FREM1: variants seen among roughly 807,000 people sequenced by gnomAD.
FREM1 encodes the protein FRAS1-related extracellular matrix protein 1.
In FREM1, 220 loss-of-function variants were observed where a neutral mutation model predicts 210.1. That is an observed-to-expected ratio of 1.05 (90% CI 0.94 to 1.17). The LOEUF is 1.17. FREM1 is among the 50% of genes most tolerant of loss of function. FREM1 has a pLI of 0.00. For missense variants in FREM1, 3,454 were observed against 2,675.5 expected (o/e 1.29, Z -6.42); for synonymous variants, 1,189 against 980.2 (o/e 1.21, Z -3.98).
Position 14,905,872 on chromosome 9 carries a change from T to C in FREM1, c.-268+4042A>G, listed in dbSNP as rs147108407. On this transcript the variant is annotated intron_variant, in intron 1 of 36. Transcript: ENST00000380880. ...CGCCACTGCACTGCAGCATGGGCAA[T>C]AGAGCAAGACTCTGTCTCAAATTTA... 2.7e-3 allele frequency among the ~76,000 whole-genome samples: 405 copies of C among 150,568 alleles called. 1 individual carries two copies. The highest frequency in any genetic ancestry group is 4.8e-3 in the Non-Finnish European group (324 of 67,754).
intron 3 of FREM1, among the ~76,000 whole-genome samples, chr9:14,860,318 G>A (rs1012526289): frequency 1.3e-5 from 2 of 151,790 alleles, no homozygotes; most frequent in Non-Finnish European, 2.9e-5. Context: ...CATGCTCCCT[G>A]TTTTCTGCTG....
Position 14,801,757 on chromosome 9 carries a change from T to C in FREM1, c.3589A>G (p.Ile1197Val). Residue 1197 changes from isoleucine to valine, a missense_variant, in exon 20 of 37, where the codon ATC (isoleucine) becomes GTC (valine). Ile to Val is a conservative substitution (Grantham distance 29). Transcript: ENST00000380880. ...AAGTCTTTGCTAAACCCCCTATCGA[T>C]GAGGAGGCCATGGCGTGGCTTTTGA... ...ITQKPRHGLL[I>V]DRGFSKDFSE... The C allele has an allele frequency of 6.2e-7, 1 of 1,613,892 alleles. No individual in the cohort carries two copies. The highest frequency in any genetic ancestry group is 8.5e-7 in the Non-Finnish European group (1 of 1,179,840).
In FREM1 at chr9:14,737,504, G is replaced by T. The variant is rs370395568; in HGVS notation, c.6432C>A (p.Arg2144=). The T allele has an allele frequency of 1.2e-6, 2 of 1,613,454 alleles. No individual in the cohort carries two copies. The highest frequency in any genetic ancestry group is 1.7e-6 in the Non-Finnish European group (2 of 1,179,656). ...FTNGRRGPSQ[R]SKLGKSCVLV... ...AAACACAGCTCTTTCCAAGCTTGGA[G>T]CGTTGAGAGGGCCCTCTTCTCCCAT... Residue 2144 remains arginine (R), a synonymous_variant, in exon 37 of 37, where the codon CGC becomes CGA. Transcript: ENST00000380880.
chr9:14,861,503 CTTTTTTTTTTT>C (rs775845478), intron 3 of FREM1, among the ~76,000 whole-genome samples: 5 of 114,894 alleles, frequency 4.4e-5, no homozygotes, highest in Admixed American at 4.1e-4. Flanking sequence ...AGCATTTATC[CTTTTTTTTTTT>C]TTTTTTTTTT....
At position 14,788,988 on chromosome 9, in the gene FREM1, A is replaced by G. The variant is rs1207593518; in HGVS notation, c.4108T>C (p.Tyr1370His). ...DSQNQDSFTF[Y>H]LWDGNNRSPA... ...GACCTGTTGTTGCCATCCCAAAGGT[A>G]GAAGGTGAAGCTATCTTGATTCTGG... The change falls in exon 23 of 37, where the codon TAC becomes CAC. Residue 1370 changes from tyrosine (Y) to histidine (H), a missense_variant. Transcript: ENST00000380880. The G allele has an allele frequency of 6.2e-7, 1 of 1,613,046 alleles. No homozygotes were observed. The highest frequency in any genetic ancestry group is 2.2e-5 in the East Asian group (1 of 44,870).
intron 5 of FREM1, among the ~76,000 whole-genome samples, chr9:14,854,116 C>T (rs1203826872): frequency 2.0e-5 from 3 of 152,068 alleles, no homozygotes; most frequent in African/African-American, 4.8e-5. Context: ...CATTTTTTCA[C>T]CGTACATATT....
At chr9:14,761,712 T>C (rs1845529904) in intron 27 of FREM1, among the ~76,000 whole-genome samples, 1 of 152,180 alleles carries the variant, frequency 6.6e-6, no homozygotes, top group African/African-American at 2.4e-5. Context: ...CCCCTGCTGT[T>C]CCACTTGGGG....
chr9:14,888,608 G>A (rs966821020), intron 1 of FREM1, among the ~76,000 whole-genome samples: 3 of 152,146 alleles, frequency 2.0e-5, no homozygotes, highest in Non-Finnish European at 4.4e-5. Context: ...CCAGGTTAAA[G>A]GTCTCAAGTC....
intron 1 of FREM1, among the ~76,000 whole-genome samples, chr9:14,871,079 A>C (rs559739508): frequency 6.6e-6 from 1 of 152,114 alleles, no homozygotes; most frequent in East Asian, 1.9e-4. Flanking sequence ...GTTGGTTCCA[A>C]GTCTTTGCTA....
At chr9:14,780,433 G>GAAAACAAAAAAAAAAAAAAAAAA (rs1849463817) in intron 24 of FREM1, among the ~76,000 whole-genome samples, 1 of 81,536 alleles carries the variant, frequency 1.2e-5, no homozygotes, top group Admixed American at 1.4e-4. Flanking sequence ...CAGCTCCTCA[G>GAAAACAAAAAAAAAAAAAAAAAA]AAAAAAAAAA....
chr9:14,814,502 T>G (rs1292214886), intron 15 of FREM1, among the ~76,000 whole-genome samples: 2 of 152,200 alleles, frequency 1.3e-5, no homozygotes, highest in African/African-American at 4.8e-5. Context: ...TACATGAAAT[T>G]TAATGGATAG....
intron 8 of FREM1, among the ~76,000 whole-genome samples, chr9:14,844,820 A>G (rs544266698): frequency 1.3e-5 from 2 of 152,344 alleles, no homozygotes; most frequent in South Asian, 4.1e-4. Context: ...AGATACAGCA[A>G]ACTTAGATCA....
chr9:14,774,234 G>C, intron 25 of FREM1: 1 of 501,330 alleles, frequency 2.0e-6, no homozygotes, highest in Non-Finnish European at 3.9e-6. Flanking sequence ...AACTTTGCAG[G>C]GTGTGTATTA....
chr9:14,791,825 T>G (rs947677656), intron 22 of FREM1, among the ~76,000 whole-genome samples: 1 of 150,056 alleles, frequency 6.7e-6, no homozygotes, highest in Non-Finnish European at 1.5e-5. Context: ...TAATGGTTTG[T>G]TTTGTTTTGT....
intron 1 of FREM1, among the ~76,000 whole-genome samples, chr9:14,876,728 C>T (rs1028209418): frequency 6.6e-5 from 10 of 152,146 alleles, no homozygotes; most frequent in Admixed American, 1.3e-4. Context: ...GAGATGAACC[C>T]GGTACCTCAG....
chr9:14,839,422 C>A (rs1305980703), intron 10 of FREM1, among the ~76,000 whole-genome samples: 2 of 152,146 alleles, frequency 1.3e-5, no homozygotes, highest in Non-Finnish European at 2.9e-5. Context: ...CACATCTGAG[C>A]TGGATAAACA....
chr9:14,847,400 AGAAGGAAGGAAG>A (rs1348075386), intron 7 of FREM1, among the ~76,000 whole-genome samples: 1 of 34,812 alleles, frequency 2.9e-5, no homozygotes, highest in Admixed American at 3.0e-4. Context: ...AGAGAGAAAA[AGAAGGAAGGAAG>A]GAAGGAAGGA....
intron 1 of FREM1, among the ~76,000 whole-genome samples, chr9:14,899,879 G>T (rs754995360): frequency 6.6e-6 from 1 of 152,234 alleles, no homozygotes; most frequent in Non-Finnish European, 1.5e-5. Context: ...GTCCTTTACT[G>T]TGTTGGCCAA....
intron 3 of FREM1, among the ~76,000 whole-genome samples, chr9:14,863,598 A>G (rs1292433863): frequency 6.6e-6 from 1 of 152,192 alleles, no homozygotes; most frequent in Non-Finnish European, 1.5e-5. Context: ...TTGCCACAGA[A>G]GAATCCTAGG....
Sources: allele counts gnomAD v4.1 joint callset (sites outside exome capture counted in the v4.1 genomes callset), GRCh38; gene constraint gnomAD v4.1.1; transcripts MANE v1.5; gene names NCBI Gene and HGNC (gene_info 2026-07-23, HGNC 2026-07-21).